The following FGF13 variants were observed in gnomAD, a reference collection of about 807,000 sequenced individuals.
FGF13 encodes the protein fibroblast growth factor homologous factor 2.
FGF13 carries 2 observed loss-of-function variants against 19.5 expected under a neutral mutation model. The observed-to-expected ratio is 0.10, with a 90% CI of 0.04 to 0.32. The LOEUF is 0.32. Among genes scored for constraint, FGF13 ranks in the 10% least tolerant of loss-of-function variants. FGF13 has a pLI of 1.00. For synonymous variants in FGF13, 72 were observed against 76.9 expected (o/e 0.94, Z 0.33); for missense variants, 113 against 192.7 (o/e 0.59, Z 2.45).
intron 2 of FGF13, among the ~76,000 whole-genome samples, chrX:138,861,214 G>A (rs2124147260): frequency 8.9e-6 from 1 of 111,920 alleles, no homozygotes; most frequent in East Asian, 2.8e-4. Flanking sequence ...CATGGTAAGA[G>A]GAGAGAGTTT....
chrX:138,830,892 G>A lies in FGF13; in HGVS notation c.217+26620C>T, dbSNP rs779820316. 9.9e-5 allele frequency among the ~76,000 whole-genome samples: 11 copies of A among 110,886 alleles called. No homozygotes were observed. The South Asian group carries it at 3.5e-3, about 35-fold the overall frequency. On this transcript the variant is annotated intron_variant, in intron 3 of 6. Transcript: ENST00000436198. ...ATCCTGAAGGCATTTCAAAGATCTC[G>A]AAGATCTTTGAGGCTGCCCCTCTCA...
intron 1 of FGF13, among the ~76,000 whole-genome samples, chrX:139,052,024 T>C (rs2092304391): frequency 8.9e-6 from 1 of 112,464 alleles, no homozygotes; most frequent in South Asian, 3.7e-4. Flanking sequence ...CTTTATGTTA[T>C]ATATTGGTTT....
At chrX:139,062,339 T>C (rs2092339144) in intron 1 of FGF13, among the ~76,000 whole-genome samples, 3 of 112,129 alleles carry the variant, frequency 2.7e-5, no homozygotes, top group African/African-American at 3.2e-5. Flanking sequence ...TTGTGTGTTC[T>C]TGGCTCCTTT....
At chrX:138,927,948 C>T (rs2091682660) in intron 1 of FGF13, among the ~76,000 whole-genome samples, 1 of 111,778 alleles carries the variant, frequency 8.9e-6, no homozygotes, top group Non-Finnish European at 1.9e-5. Context: ...ACATATAAAG[C>T]TATTTATCGG....
chrX:139,083,461 A>C (rs1455055354), intron 1 of FGF13, among the ~76,000 whole-genome samples: 1 of 112,091 alleles, frequency 8.9e-6, no homozygotes, highest in East Asian at 2.8e-4. Context: ...TGTCAAGCAA[A>C]GCTTGATTTA....
intron 3 of FGF13, among the ~76,000 whole-genome samples, chrX:138,670,699 A>C (rs1306680949): frequency 3.6e-5 from 4 of 111,454 alleles, no homozygotes; most frequent in Non-Finnish European, 1.9e-5. Context: ...GTGATGTTTT[A>C]TTTCTTTTTG....
intron 3 of FGF13, among the ~76,000 whole-genome samples, chrX:138,778,028 A>G (rs2090602361): frequency 8.9e-6 from 1 of 112,062 alleles, no homozygotes; most frequent in Non-Finnish European, 1.9e-5. Context: ...GCAATAACTT[A>G]TTGAAAAGGT....
At position 138,621,472 on chromosome X, in the gene FGF13, G is replaced by A. The variant is rs1004066720; in HGVS notation, c.*11378C>T. 1 of 109,309 alleles carries A rather than the reference G, an allele frequency of 9.1e-6. No individual in the cohort carries two copies. The highest frequency in any genetic ancestry group is 3.3e-5 in the African/African-American group (1 of 30,087). The allele number at this position is 109,309 out of a possible 1,213,427, so 9.0% of individuals were successfully genotyped here. On this transcript the variant is annotated 3_prime_UTR_variant, in exon 5 of 5. Transcript: ENST00000315930. Reference sequence around the variant, plus strand: ...TGCAGCAAAAGGCATTTCTAAGAAGGAAGTTTATAGTGATAAATGCCTACA... The same window carrying A: ...TGCAGCAAAAGGCATTTCTAAGAAGAAAGTTTATAGTGATAAATGCCTACA...
chrX:138,927,702 G>A (rs913432106), intron 1 of FGF13, among the ~76,000 whole-genome samples: 3 of 111,818 alleles, frequency 2.7e-5, no homozygotes, highest in African/African-American at 9.8e-5. Context: ...ACCATTAAAG[G>A]AGAAAATGCC....
At chrX:139,132,479 C>T (rs2083768702) in intron 1 of FGF13, among the ~76,000 whole-genome samples, 1 of 112,075 alleles carries the variant, frequency 8.9e-6, no homozygotes, top group African/African-American at 3.2e-5. Context: ...TCACAAAATG[C>T]TTTCTTAGTA....
At chrX:139,123,089 C>T (rs2083689730) in intron 1 of FGF13, among the ~76,000 whole-genome samples, 1 of 110,693 alleles carries the variant, frequency 9.0e-6, no homozygotes, top group African/African-American at 3.3e-5. Flanking sequence ...AGAACCACTG[C>T]CCTAAAGTAA....
intron 3 of FGF13, among the ~76,000 whole-genome samples, chrX:138,665,867 A>G (rs1217622412): frequency 9.0e-6 from 1 of 110,962 alleles, no homozygotes; most frequent in Non-Finnish European, 1.9e-5. Flanking sequence ...AAGAATAGCA[A>G]TCTGCTATAA....
chrX:138,846,872 G>T (rs775444635), intron 3 of FGF13, among the ~76,000 whole-genome samples: 1 of 111,060 alleles, frequency 9.0e-6, no homozygotes, highest in Admixed American at 9.6e-5. Flanking sequence ...TTTGTATGCC[G>T]GGACCAAGTC....
intron 3 of FGF13, among the ~76,000 whole-genome samples, chrX:138,775,294 CACATTGAT>C (rs2090579715): frequency 8.9e-6 from 1 of 112,053 alleles, no homozygotes; most frequent in Non-Finnish European, 1.9e-5. Context: ...TAATTTGCAG[CACATTGAT>C]AATCAGGAAG....
chrX:138,643,837 G>A (rs2089277747), intron 3 of FGF13, among the ~76,000 whole-genome samples: 1 of 111,213 alleles, frequency 9.0e-6, no homozygotes, highest in African/African-American at 3.3e-5. Flanking sequence ...TGATCTATGT[G>A]TTTTGAAAGG....
Position 138,710,807 on chromosome X carries a change from C to T in FGF13, c.187+10G>A, listed in dbSNP as rs1295243254. On this transcript the variant is annotated intron_variant, in intron 1 of 4. Coordinates refer to ENST00000315930, the MANE Select transcript of FGF13 (RefSeq NM_004114.5). ...AGTATGGGGAAAAGAAAGCAAAAGC[C>T]CTTTCCGACCTGGTCTTCTTCTGCG... 2.5e-6 allele frequency: 3 copies of T among 1,209,772 alleles called. No individual in the cohort carries two copies. Among genetic ancestry groups the T allele is most frequent in the African/African-American group, 1.7e-5 (1 of 57,457 alleles).
At chrX:139,119,672 C>T (rs950290674) in intron 1 of FGF13, among the ~76,000 whole-genome samples, 1 of 112,297 alleles carries the variant, frequency 8.9e-6, no homozygotes, top group Non-Finnish European at 1.9e-5. Flanking sequence ...CTCTGAAATA[C>T]ACAGGGTCTG....
chrX:138,765,731 G>A (rs796066768), intron 3 of FGF13, among the ~76,000 whole-genome samples: 1 of 111,521 alleles, frequency 9.0e-6, no homozygotes, highest in Non-Finnish European at 1.9e-5. Context: ...ATCTCTCCGA[G>A]CCCTTTGAGG....
At chrX:138,752,671 T>C (rs2090406510) in intron 3 of FGF13, among the ~76,000 whole-genome samples, 1 of 111,835 alleles carries the variant, frequency 8.9e-6, no homozygotes, top group Admixed American at 9.5e-5. Flanking sequence ...TCATTACCCC[T>C]GACCTCCTGG....
Sources: allele counts gnomAD v4.1 joint callset (sites outside exome capture counted in the v4.1 genomes callset), GRCh38; gene constraint gnomAD v4.1.1; transcripts MANE v1.5; gene names NCBI Gene and HGNC (gene_info 2026-07-23, HGNC 2026-07-21).